The following PXK variants were observed in gnomAD, a reference collection of about 807,000 sequenced individuals.
PXK encodes the protein PX domain-containing protein kinase-like protein.
In PXK, 35 loss-of-function variants were observed where a neutral mutation model predicts 84.7. The ratio of observed to expected loss-of-function variants is 0.41; its 90% CI spans 0.32 to 0.55. The LOEUF (loss-of-function observed/expected upper bound fraction) is 0.55. PXK is among the 20% of genes least tolerant of loss of function. The pLI, the probability that PXK is intolerant of heterozygous loss-of-function variation, is 0.21. For synonymous variants in PXK, 253 were observed against 260.8 expected (o/e 0.97, Z 0.29); for missense variants, 634 against 699.7 (o/e 0.91, Z 1.06).
chr3:58,372,413 C>T (rs963977312), intron 3 of PXK, among the ~76,000 whole-genome samples: 1 of 152,014 alleles, frequency 6.6e-6, no homozygotes, highest in Non-Finnish European at 1.5e-5. Context: ...AGCTCCGCCT[C>T]CCGGGTTCAC....
chr3:58,407,573 C>G lies in PXK; in HGVS notation c.1231-1351C>G, dbSNP rs1297785603. Among the ~76,000 whole-genome samples, 2 of 150,782 alleles carry G rather than the reference C, an allele frequency of 1.3e-5. No homozygotes were observed. Among genetic ancestry groups the G allele is most frequent in the East Asian group, 3.9e-4 (2 of 5,170 alleles). ...TTTATTTATTTATTTTTCTTTTTTT[C>G]TTTTGGAGACAGGGGCTCGTTCTGT... On this transcript the variant is annotated intron_variant, in intron 13 of 17. Transcript: ENST00000356151. This position sits in a 1 kb window ranked among gnomAD's most constrained non-coding sequence, Gnocchi z 4.3.
chr3:58,406,610 CT>C (rs2059446456), intron 13 of PXK, among the ~76,000 whole-genome samples: 1 of 152,142 alleles, frequency 6.6e-6, no homozygotes, highest in Non-Finnish European at 1.5e-5. Context: ...ATAAAATTTA[CT>C]CTCTGAACCA....
chr3:58,380,975 G>A (rs1445012894), intron 3 of PXK, among the ~76,000 whole-genome samples: 6 of 152,188 alleles, frequency 3.9e-5, no homozygotes, highest in East Asian at 1.9e-4. Flanking sequence ...AGGGCCAGGC[G>A]CGGTGGCTCA....
intron 1 of PXK, among the ~76,000 whole-genome samples, chr3:58,358,475 C>A (rs1363494321): frequency 6.6e-6 from 1 of 152,178 alleles, no homozygotes; most frequent in Non-Finnish European, 1.5e-5. Context: ...TGTAGGATAG[C>A]AGTGGGCCAC....
intron 17 of PXK, 119 bp from the exon 18 acceptor site, chr3:58,424,633 G>T: frequency 7.3e-7 from 1 of 1,367,936 alleles, no homozygotes; most frequent in Non-Finnish European, 9.8e-7. Flanking sequence ...TAGGTATGTT[G>T]GTCCCTCTGA....
At chr3:58,417,846 C>T (rs1159005990) in intron 17 of PXK, among the ~76,000 whole-genome samples, 1 of 152,154 alleles carries the variant, frequency 6.6e-6, no homozygotes, top group African/African-American at 2.4e-5. Context: ...TGTTGCCTTG[C>T]TATCTGTTTT....
In PXK at chr3:58,397,287, G is replaced by A; in HGVS notation, c.984+87G>A. ...TGCCCATGTAGGAAATATGCACCAAGTAGTGAAAGGTATAGTTGGGACAGG... is the reference window on the plus strand; with the variant it reads ...TGCCCATGTAGGAAATATGCACCAAATAGTGAAAGGTATAGTTGGGACAGG... On this transcript the variant is annotated intron_variant, in intron 10 of 17. Coordinates refer to ENST00000356151, the MANE Select transcript of PXK (RefSeq NM_017771.5). This position sits in a 1 kb window ranked among gnomAD's most constrained non-coding sequence, Gnocchi z 4.7. 1.4e-6 allele frequency: 2 copies of A among 1,436,536 alleles called. No individual in the cohort carries two copies. Among genetic ancestry groups the A allele is most frequent in the South Asian group, 2.4e-5 (2 of 82,018 alleles). The allele number at this position is 1,436,536 out of a possible 1,614,324, so 89.0% of individuals were successfully genotyped here.
Position 58,410,052 on chromosome 3 carries a change from T to A in PXK, c.1396-38T>A, listed in dbSNP as rs575999342. 62 of 1,349,064 alleles carry A rather than the reference T, an allele frequency of 4.6e-5. No homozygotes were observed. In the South Asian group the frequency reaches 7.0e-4, roughly 15 times the overall value. 83.6% of individuals were successfully genotyped at this position (1,349,064 alleles called of 1,614,324 possible). A position where few individuals can be genotyped will look rare whatever the true frequency, so the allele number is the denominator to read the frequency against. Reference sequence around the variant, plus strand: ...GCTTCACTGTGTTTATTCTTTGCTTTCCTCTCCCTCCCTCCCCCTTTTCTT... The same window carrying A: ...GCTTCACTGTGTTTATTCTTTGCTTACCTCTCCCTCCCTCCCCCTTTTCTT... On this transcript the variant is annotated intron_variant, in intron 15 of 17. Transcript: ENST00000356151.
At chr3:58,381,116 G>T (rs912979947) in intron 3 of PXK, among the ~76,000 whole-genome samples, 2 of 151,978 alleles carry the variant, frequency 1.3e-5, no homozygotes, top group Admixed American at 6.6e-5. Flanking sequence ...GGGCATTGTG[G>T]CTGGCGCCTG....
At chr3:58,352,177 GAC>G (rs937866789) in intron 1 of PXK, among the ~76,000 whole-genome samples, 6 of 152,188 alleles carry the variant, frequency 3.9e-5, no homozygotes, top group Non-Finnish European at 8.8e-5. Flanking sequence ...GGCTGATCAT[GAC>G]ACAGTGACCA....
chr3:58,350,719 G>T (rs976595995), intron 1 of PXK, among the ~76,000 whole-genome samples: 2 of 152,168 alleles, frequency 1.3e-5, no homozygotes, highest in African/African-American at 4.8e-5. Context: ...GGAGTAAACT[G>T]AGGGCTAGAA....
chr3:58,381,577 T>C (rs548715197), intron 3 of PXK, among the ~76,000 whole-genome samples: 3 of 131,934 alleles, frequency 2.3e-5, no homozygotes, highest in Admixed American at 7.7e-5. Flanking sequence ...AAAAAAAGAC[T>C]ACAAGTTGCT....
rs905234214 is a variant in PXK at position 58,399,473 on chromosome 3, C to T, written c.1181+96C>T. The T allele has an allele frequency of 3.1e-5, 39 of 1,260,534 alleles. 1 individual carries two copies. The highest frequency in any genetic ancestry group is 2.4e-4 in the South Asian group (19 of 79,344). The allele number at this position is 1,260,534 out of a possible 1,614,324, so 78.1% of individuals were successfully genotyped here. A position where few individuals can be genotyped will look rare whatever the true frequency, so the allele number is the denominator to read the frequency against. ...CCTGGTACTGTAGTAAAGATTCTTG[C>T]GGTCCCTGCAGAGTTGGCGTGGCCT... On this transcript the variant is annotated intron_variant, in intron 12 of 17. Transcript: ENST00000356151. The surrounding 1 kb of genome is among the most constrained non-coding windows in gnomAD (Gnocchi z 4.3).
chr3:58,338,880 A>T (rs1336185947), intron 1 of PXK, among the ~76,000 whole-genome samples: 1 of 151,838 alleles, frequency 6.6e-6, no homozygotes, highest in African/African-American at 2.4e-5. Context: ...ACAGGGTTTC[A>T]CCATGTTGGC....
chr3:58,409,133 A>C lies in PXK; in HGVS notation c.1308+132A>C. The C allele has an allele frequency of 1.4e-6, 1 of 690,306 alleles. No homozygotes were observed. The highest frequency in any genetic ancestry group is 2.5e-6 in the Non-Finnish European group (1 of 406,966). 42.8% of individuals were successfully genotyped at this position (690,306 alleles called of 1,614,324 possible). On this transcript the variant is annotated intron_variant, in intron 14 of 17. Coordinates refer to ENST00000356151, the MANE Select transcript of PXK (RefSeq NM_017771.5). The surrounding 1 kb of genome is among the most constrained non-coding windows in gnomAD (Gnocchi z 4.2). ...CTTACTCTCAGCCAGCCTTTAGGCTAAATGCTTCCCTGCAGAGCTGAATAC... is the reference window on the plus strand; with the variant it reads ...CTTACTCTCAGCCAGCCTTTAGGCTCAATGCTTCCCTGCAGAGCTGAATAC...
At chr3:58,371,326 G>T (rs999280657) in intron 3 of PXK, among the ~76,000 whole-genome samples, 1 of 152,208 alleles carries the variant, frequency 6.6e-6, no homozygotes, top group Non-Finnish European at 1.5e-5. Flanking sequence ...TGACATTGTA[G>T]ATAAGGTATC....
Position 58,376,300 on chromosome 3 carries a change from A to G in PXK, c.202-6214A>G, listed in dbSNP as rs187475200. 1.6e-4 allele frequency among the ~76,000 whole-genome samples: 25 copies of G among 152,188 alleles called. No individual in the cohort carries two copies. The East Asian group carries it at 4.6e-3, about 28-fold the overall frequency. Reference sequence around the variant, plus strand: ...CGTGGTGGCAGGCACCTGTAATCCCACTTACTCGGGAGGCTGAGGCAGGAG... The same window carrying G: ...CGTGGTGGCAGGCACCTGTAATCCCGCTTACTCGGGAGGCTGAGGCAGGAG... On this transcript the variant is annotated intron_variant, in intron 3 of 17. Coordinates refer to ENST00000356151, the MANE Select transcript of PXK (RefSeq NM_017771.5).
Position 58,425,844 on chromosome 3 carries a change from C to T in PXK, c.*884C>T, listed in dbSNP as rs1056728706. The T allele has an allele frequency of 2.0e-5, 3 of 152,098 alleles. No individual in the cohort carries two copies. Among genetic ancestry groups the T allele is most frequent in the Admixed American group, 6.6e-5 (1 of 15,262 alleles). 9.4% of individuals were successfully genotyped at this position (152,098 alleles called of 1,614,324 possible). ...AATGTTAGTCATTTATTAGAAAGATCCTTTATCCTGATTTGCTTAAACCTT... is the reference window on the plus strand; with the variant it reads ...AATGTTAGTCATTTATTAGAAAGATTCTTTATCCTGATTTGCTTAAACCTT... On this transcript the variant is annotated 3_prime_UTR_variant, in exon 18 of 18. Coordinates refer to ENST00000356151, the MANE Select transcript of PXK (RefSeq NM_017771.5).
At chr3:58,386,290 C>CTTTTT (rs752411806) in intron 4 of PXK, among the ~76,000 whole-genome samples, 4,150 of 82,146 alleles carry the variant, frequency 0.051, 528 homozygotes, top group African/African-American at 0.07. Flanking sequence ...ATCCCCCTTA[C>CTTTTT]TTTTTTTTTT....
Sources: allele counts gnomAD v4.1 joint callset (sites outside exome capture counted in the v4.1 genomes callset), GRCh38; gene constraint gnomAD v4.1.1; non-coding constraint Gnocchi (gnomAD v3.1); transcripts MANE v1.5; gene names NCBI Gene and HGNC (gene_info 2026-07-23, HGNC 2026-07-21).